The following SIL1 variants were observed in gnomAD, a reference collection of about 807,000 sequenced individuals.
SIL1 encodes the protein nucleotide exchange factor SIL1.
In SIL1, 40 loss-of-function variants were observed where a neutral mutation model predicts 49.1. The ratio of observed to expected loss-of-function variants is 0.81; its 90% CI spans 0.63 to 1.06. SIL1 has a LOEUF of 1.06. Among genes scored for constraint, SIL1 ranks in the 50% least tolerant of loss-of-function variants. The pLI, the probability that SIL1 is intolerant of heterozygous loss-of-function variation, is 0.00. For missense variants in SIL1, 500 were observed against 572.6 expected (o/e 0.87, Z 1.29); for synonymous variants, 253 against 250.8 (o/e 1.01, Z -0.08).
intron 7 of SIL1, among the ~76,000 whole-genome samples, chr5:138,955,874 C>T (rs772997152): frequency 1.3e-5 from 2 of 152,118 alleles, no homozygotes; most frequent in Non-Finnish European, 2.9e-5. Context: ...GTCAACCAAC[C>T]GGAACAACAA....
At chr5:138,991,240 G>C (rs914729577) in intron 7 of SIL1, among the ~76,000 whole-genome samples, 6 of 152,266 alleles carry the variant, frequency 3.9e-5, no homozygotes, top group Non-Finnish European at 7.3e-5. Flanking sequence ...CAGCCTGGCT[G>C]AAGTAGCTGT....
intron 3 of SIL1, among the ~76,000 whole-genome samples, chr5:139,108,963 G>C (rs1381726319): frequency 6.6e-6 from 1 of 151,968 alleles, no homozygotes; most frequent in Non-Finnish European, 1.5e-5. Flanking sequence ...GACTTTCATT[G>C]ATATGCATCA....
intron 3 of SIL1, among the ~76,000 whole-genome samples, chr5:139,091,496 TA>T (rs1770341487): frequency 1.3e-5 from 2 of 152,130 alleles, no homozygotes; most frequent in South Asian, 4.1e-4. Flanking sequence ...AAAGATAAAA[TA>T]AAACTACAGT....
At chr5:138,975,527 G>A (rs1278823095) in intron 7 of SIL1, among the ~76,000 whole-genome samples, 1 of 152,184 alleles carries the variant, frequency 6.6e-6, no homozygotes, top group East Asian at 1.9e-4. Context: ...AGAGTCCCCA[G>A]ATACTAGGTG....
intron 4 of SIL1, among the ~76,000 whole-genome samples, chr5:139,049,061 G>A (rs559014487): frequency 6.6e-6 from 1 of 152,340 alleles, no homozygotes; most frequent in African/African-American, 2.4e-5. Flanking sequence ...TGAAAAAAGT[G>A]CACATGGACC....
intron 1 of SIL1, among the ~76,000 whole-genome samples, chr5:139,182,464 G>A (rs1322534479): frequency 6.6e-6 from 1 of 152,174 alleles, no homozygotes; most frequent in Non-Finnish European, 1.5e-5. Flanking sequence ...ATGGTAACCA[G>A]AAAGAACCCT....
intron 6 of SIL1, among the ~76,000 whole-genome samples, chr5:139,024,334 G>C (rs1768597515): frequency 6.6e-6 from 1 of 152,184 alleles, no homozygotes; most frequent in African/African-American, 2.4e-5. Flanking sequence ...ACTGGAAAGG[G>C]GAAAGAGAAC....
chr5:139,077,814 CT>C (rs11326504), intron 3 of SIL1, among the ~76,000 whole-genome samples: 24,910 of 152,102 alleles, frequency 0.16, 5,513 homozygotes, highest in African/African-American at 0.51. Flanking sequence ...AGAGTCAGCT[CT>C]TTGATCCAAA....
At chr5:138,984,141 C>G (rs1384257596) in intron 7 of SIL1, among the ~76,000 whole-genome samples, 7 of 152,196 alleles carry the variant, frequency 4.6e-5, no homozygotes, top group African/African-American at 1.4e-4. Flanking sequence ...AGTGTCTGGT[C>G]TGTCCTCTTG....
At chr5:139,020,160 A>G (rs975072848) in intron 7 of SIL1, among the ~76,000 whole-genome samples, 2 of 152,184 alleles carry the variant, frequency 1.3e-5, no homozygotes, top group African/African-American at 4.8e-5. Context: ...GGGCTTGAAG[A>G]TCCAGGCAGA....
At chr5:139,154,865 G>A (rs1048404690) in intron 1 of SIL1, among the ~76,000 whole-genome samples, 1 of 152,130 alleles carries the variant, frequency 6.6e-6, no homozygotes, top group Non-Finnish European at 1.5e-5. Context: ...AGAAATAAAT[G>A]GAGAGGAAGA....
chr5:139,187,350 C>G (rs1006715224), intron 1 of SIL1, among the ~76,000 whole-genome samples: 1 of 152,028 alleles, frequency 6.6e-6, no homozygotes, highest in African/African-American at 2.4e-5. Flanking sequence ...AACCCCGTCT[C>G]TACTAAAATT....
chr5:138,967,434 T>A (rs978505232), intron 7 of SIL1, among the ~76,000 whole-genome samples: 1 of 152,124 alleles, frequency 6.6e-6, no homozygotes, highest in Non-Finnish European at 1.5e-5. Flanking sequence ...CTCACCCTGG[T>A]GGGCCTGAGG....
At chr5:139,167,146 G>A (rs535848810) in intron 1 of SIL1, among the ~76,000 whole-genome samples, 3 of 152,130 alleles carry the variant, frequency 2.0e-5, no homozygotes, top group Admixed American at 6.5e-5. Flanking sequence ...CTACTAACAC[G>A]GTTTCGCCAT....
At chr5:139,156,263 T>C (rs1751405511) in intron 1 of SIL1, among the ~76,000 whole-genome samples, 1 of 152,232 alleles carries the variant, frequency 6.6e-6, no homozygotes, top group South Asian at 2.1e-4. Context: ...TTGATAATCA[T>C]TTTTATTTTA....
At chr5:139,152,387 G>A (rs914212088) in intron 1 of SIL1, among the ~76,000 whole-genome samples, 6 of 152,080 alleles carry the variant, frequency 3.9e-5, no homozygotes, top group Non-Finnish European at 5.9e-5. Context: ...TTAGGAGGCC[G>A]AGGCAGGTGG....
intron 1 of SIL1, among the ~76,000 whole-genome samples, chr5:139,186,883 C>T (rs1752085036): frequency 6.6e-6 from 1 of 152,166 alleles, no homozygotes; most frequent in Admixed American, 6.5e-5. Flanking sequence ...GAATCCAATG[C>T]TTCAAAAACA....
chr5:139,171,088 C>G (rs370220841), intron 1 of SIL1, among the ~76,000 whole-genome samples: 35 of 142,962 alleles, frequency 2.4e-4, no homozygotes, highest in South Asian at 2.1e-3. Context: ...GGGGGGTCAG[C>G]CCCCTGCCCG....
At chr5:138,978,787 T>C (rs937190480) in intron 7 of SIL1, among the ~76,000 whole-genome samples, 3 of 152,234 alleles carry the variant, frequency 2.0e-5, no homozygotes, top group African/African-American at 7.2e-5. Context: ...GAGCATCATT[T>C]CCTGTACTTA....
Sources: allele counts gnomAD v4.1 joint callset (sites outside exome capture counted in the v4.1 genomes callset), GRCh38; gene constraint gnomAD v4.1.1; transcripts MANE v1.5; gene names NCBI Gene and HGNC (gene_info 2026-07-23, HGNC 2026-07-21).